The following EPHA6 variants were observed in gnomAD, a reference collection of about 807,000 sequenced individuals.
EPHA6 encodes the protein EPH receptor A6.
Under a neutral mutation model 112.0 loss-of-function variants are expected in EPHA6, and 50 were observed. That is an observed-to-expected ratio of 0.45 (90% CI 0.36 to 0.56). The LOEUF (loss-of-function observed/expected upper bound fraction) is 0.56, where lower values mean the gene tolerates loss of function less well. Ranked by LOEUF, EPHA6 falls within the 20% of genes least tolerant of loss-of-function variation. The pLI is 0.00. For synonymous variants in EPHA6, 529 were observed against 490.7 expected (o/e 1.08, Z -1.03); for missense variants, 1,280 against 1,417.4 (o/e 0.90, Z 1.56).
rs897074570 is a variant in EPHA6, at chr3:97,750,575, G to A, written c.*1874G>A. ...TTTCACCATGTTGGCCAGGCTGCTC[G>A]AACTCCTGACCTCAGATGATCTGCC... On this transcript the variant is annotated 3_prime_UTR_variant, in exon 18 of 18. Transcript: ENST00000389672. 2.6e-5 allele frequency among the ~76,000 whole-genome samples: 4 copies of A among 151,950 alleles called. No individual in the cohort carries two copies. Among genetic ancestry groups the A allele is most frequent in the East Asian group, 3.9e-4 (2 of 5,176 alleles).
rs1239676515 is a variant in EPHA6 at position 97,110,559 on chromosome 3, C to T, written c.1115-115705C>T. The stretch of plus-strand genomic sequence containing the variant: ...ATTTATTTAGAGACAGAGTCTCACT[C>T]TGTTGCCCAGGCTGGAGTGCAGTGG... On this transcript the variant is annotated intron_variant, in intron 3 of 17. Coordinates refer to ENST00000389672, the MANE Select transcript of EPHA6 (RefSeq NM_001080448.3). Among the ~76,000 whole-genome samples, 3 of 152,220 alleles carry T rather than the reference C, an allele frequency of 2.0e-5. No individual in the cohort carries two copies. In the East Asian group the frequency reaches 5.8e-4, roughly 29 times the overall value.
intron 3 of EPHA6, among the ~76,000 whole-genome samples, chr3:97,055,467 T>C (rs2045822459): frequency 6.6e-6 from 1 of 152,160 alleles, no homozygotes; most frequent in African/African-American, 2.4e-5. Flanking sequence ...AGATTTTGCC[T>C]GGGTCATTAA....
intron 3 of EPHA6, among the ~76,000 whole-genome samples, chr3:97,106,354 C>G (rs2047568634): frequency 6.6e-6 from 1 of 152,024 alleles, no homozygotes; most frequent in East Asian, 1.9e-4. Context: ...AGAATTTCCC[C>G]CAATCTCAAT....
intron 3 of EPHA6, among the ~76,000 whole-genome samples, chr3:97,161,754 C>A (rs1462186896): frequency 1.3e-5 from 2 of 152,130 alleles, no homozygotes; most frequent in Non-Finnish European, 2.9e-5. Context: ...ATCACTCTGA[C>A]ACAGAAATGT....
At chr3:97,186,266 CT>C (rs1257476613) in intron 3 of EPHA6, among the ~76,000 whole-genome samples, 1 of 152,058 alleles carries the variant, frequency 6.6e-6, no homozygotes, top group Non-Finnish European at 1.5e-5. Context: ...TGCTTCCTAG[CT>C]ATAGAATTTG....
At chr3:96,912,650 TG>T (rs1370579584) in intron 2 of EPHA6, among the ~76,000 whole-genome samples, 1 of 152,138 alleles carries the variant, frequency 6.6e-6, no homozygotes, top group East Asian at 1.9e-4. Flanking sequence ...TAGAGTGTCA[TG>T]ATCATAGATC....
At chr3:96,923,788 T>C (rs2039896377) in intron 2 of EPHA6, among the ~76,000 whole-genome samples, 3 of 152,222 alleles carry the variant, frequency 2.0e-5, no homozygotes, top group African/African-American at 7.2e-5. Context: ...TTAATCCATC[T>C]TGAGTTGATT....
rs544760006 is a variant in EPHA6, at chr3:97,162,340, A to G, written c.1115-63924A>G. 9.2e-5 allele frequency among the ~76,000 whole-genome samples: 14 copies of G among 152,260 alleles called. No homozygotes were observed. The East Asian group carries it at 2.5e-3, about 27-fold the overall frequency. ...CAATGTAATAGATCTCACTCAACAGATAAGGGAACTACTGGGATTCTGCCA... is the reference window on the plus strand; with the variant it reads ...CAATGTAATAGATCTCACTCAACAGGTAAGGGAACTACTGGGATTCTGCCA... On this transcript the variant is annotated intron_variant, in intron 3 of 17. Transcript: ENST00000389672.
intron 5 of EPHA6, among the ~76,000 whole-genome samples, chr3:97,338,000 A>T (rs2083137645): frequency 6.6e-6 from 1 of 152,138 alleles, no homozygotes; most frequent in South Asian, 2.1e-4. Context: ...GATGATATCA[A>T]ATGTGCATTT....
chr3:97,641,994 G>C (rs1249201165), intron 14 of EPHA6, among the ~76,000 whole-genome samples: 1 of 148,856 alleles, frequency 6.7e-6, no homozygotes, highest in Non-Finnish European at 1.5e-5. Context: ...TCAGGGCACA[G>C]ACAAACAAAA....
chr3:97,462,630 C>T (rs917611588), intron 7 of EPHA6, among the ~76,000 whole-genome samples: 1 of 152,068 alleles, frequency 6.6e-6, no homozygotes, highest in Non-Finnish European at 1.5e-5. Flanking sequence ...ATTTTTGGCT[C>T]AGAATAGGTA....
chr3:97,294,765 A>C (rs2080815678), intron 5 of EPHA6, among the ~76,000 whole-genome samples: 1 of 152,134 alleles, frequency 6.6e-6, no homozygotes, highest in African/African-American at 2.4e-5. Flanking sequence ...GTAGGACTTA[A>C]GCATTTATTA....
chr3:97,302,297 C>T (rs1254562993), intron 5 of EPHA6, among the ~76,000 whole-genome samples: 1 of 151,638 alleles, frequency 6.6e-6, no homozygotes, highest in Non-Finnish European at 1.5e-5. Flanking sequence ...CTGTTTTATT[C>T]TGCACAAAGT....
At chr3:96,930,893 G>A (rs373239878) in intron 2 of EPHA6, among the ~76,000 whole-genome samples, 5 of 145,132 alleles carry the variant, frequency 3.4e-5, no homozygotes, top group South Asian at 2.2e-4. Flanking sequence ...TCAGTGGACC[G>A]AGACAGGAGA....
intron 4 of EPHA6, among the ~76,000 whole-genome samples, chr3:97,230,119 C>T (rs1369837872): frequency 1.3e-5 from 2 of 152,100 alleles, no homozygotes; most frequent in East Asian, 3.9e-4. Context: ...TCCCTCAAAA[C>T]CTATGTAGGA....
At chr3:97,135,014 G>A (rs1351687884) in intron 3 of EPHA6, among the ~76,000 whole-genome samples, 2 of 152,136 alleles carry the variant, frequency 1.3e-5, no homozygotes, top group African/African-American at 4.8e-5. Context: ...TTCAGAGAAA[G>A]CCTCTCCCTG....
chr3:96,921,616 T>G (rs1406747051), intron 2 of EPHA6, among the ~76,000 whole-genome samples: 2 of 151,932 alleles, frequency 1.3e-5, no homozygotes, highest in African/African-American at 4.8e-5. Context: ...TCATCCAGGC[T>G]GGAGTGCAGT....
At chr3:97,177,267 G>T (rs769970206) in intron 3 of EPHA6, among the ~76,000 whole-genome samples, 1 of 151,708 alleles carries the variant, frequency 6.6e-6, no homozygotes, top group Non-Finnish European at 1.5e-5. Flanking sequence ...GTTTTTTGAA[G>T]GTTTAAAGAC....
At chr3:97,344,100 G>A (rs1454354997) in intron 5 of EPHA6, among the ~76,000 whole-genome samples, 1 of 152,132 alleles carries the variant, frequency 6.6e-6, no homozygotes, top group Non-Finnish European at 1.5e-5. Flanking sequence ...GTGGAGGGGA[G>A]TTCTGACTCA....
Sources: allele counts gnomAD v4.1 joint callset (sites outside exome capture counted in the v4.1 genomes callset), GRCh38; gene constraint gnomAD v4.1.1; transcripts MANE v1.5; gene names NCBI Gene and HGNC (gene_info 2026-07-23, HGNC 2026-07-21).